The following ESR1 variants were observed in gnomAD, a reference collection of about 807,000 sequenced individuals.
The protein encoded by ESR1 is estrogen receptor 1, also known as estrogen receptor.
A neutral mutation model predicts 52.7 loss-of-function variants in ESR1; 12 were observed. That is an observed-to-expected ratio of 0.23 (90% CI 0.15 to 0.37). The LOEUF (loss-of-function observed/expected upper bound fraction) is 0.37. Among genes scored for constraint, ESR1 ranks in the 10% least tolerant of loss-of-function variants. The pLI is 1.00. For missense variants in ESR1, 584 were observed against 779.7 expected (o/e 0.75, Z 2.99); for synonymous variants, 305 against 316.8 (o/e 0.96, Z 0.39).
At chr6:151,918,051 T>G (rs1420707207) in intron 3 of ESR1, among the ~76,000 whole-genome samples, 1 of 152,232 alleles carries the variant, frequency 6.6e-6, no homozygotes, top group Non-Finnish European at 1.5e-5. Context: ...AGTCAGTCCA[T>G]TCCAGCTCAG....
intron 2 of ESR1, among the ~76,000 whole-genome samples, chr6:151,866,448 G>A (rs1266652227): frequency 6.6e-6 from 1 of 152,046 alleles, no homozygotes; most frequent in Non-Finnish European, 1.5e-5. Flanking sequence ...ATCTAAATTA[G>A]GTATTTCTTC....
chr6:151,913,233 C>A (rs570380822), intron 3 of ESR1, among the ~76,000 whole-genome samples: 1 of 152,170 alleles, frequency 6.6e-6, no homozygotes, highest in South Asian at 2.1e-4. Flanking sequence ...ACTCCCACCA[C>A]GTGCGGATTT....
chr6:151,725,802 G>A (rs564992395), intron 2 of ESR1, among the ~76,000 whole-genome samples: 71 of 152,326 alleles, frequency 4.7e-4, no homozygotes, highest in African/African-American at 1.6e-3. Context: ...TAGTGGGAGA[G>A]ATGAGTTGTG....
chr6:151,797,742 G>A (rs1776850070), intron 2 of ESR1, among the ~76,000 whole-genome samples: 2 of 152,200 alleles, frequency 1.3e-5, no homozygotes, highest in South Asian at 4.1e-4. Flanking sequence ...GGGCTAACAA[G>A]GGATGGTTTG....
rs572165607 is a variant in ESR1 at position 152,046,551 on chromosome 6, G to A, written c.1236-14440G>A. Reference sequence around the variant, plus strand: ...GTGAGGTTAGAAGAGATTGAGAAGCGTGAAATGAAGTTACAAAGTAGAAAC... The same window carrying A: ...GTGAGGTTAGAAGAGATTGAGAAGCATGAAATGAAGTTACAAAGTAGAAAC... On this transcript the variant is annotated intron_variant, in intron 5 of 7. Transcript: ENST00000206249. Among the ~76,000 whole-genome samples, 16 of 152,306 alleles carry A rather than the reference G, an allele frequency of 1.1e-4. No individual in the cohort carries two copies. The South Asian group carries it at 1.4e-3, about 14-fold the overall frequency.
chr6:151,686,064 A>ATTTTTTTTTTTTTTTTTT (rs557270210), upstream of ESR1, among the ~76,000 whole-genome samples: 52 of 114,330 alleles, frequency 4.5e-4, 2 homozygotes, highest in African/African-American at 2.0e-3. Context: ...AATTAAAACA[A>ATTTTTTTTTTTTTTTTTT]TTTTTTTTTT....
intron 4 of ESR1, among the ~76,000 whole-genome samples, chr6:152,009,192 C>T (rs2042572507): frequency 6.6e-6 from 1 of 152,236 alleles, no homozygotes; most frequent in South Asian, 2.1e-4. Flanking sequence ...CCCACTTTCT[C>T]ATTTTTCCTG....
chr6:152,017,778 G>A (rs2043278149), intron 5 of ESR1, among the ~76,000 whole-genome samples: 1 of 152,040 alleles, frequency 6.6e-6, no homozygotes, highest in Admixed American at 6.6e-5. Flanking sequence ...TTAGTAAATG[G>A]TGTTAGAAGA....
chr6:151,926,354 A>T (rs1167807484), intron 3 of ESR1, among the ~76,000 whole-genome samples: 2 of 152,156 alleles, frequency 1.3e-5, no homozygotes, highest in African/African-American at 4.8e-5. Context: ...AACATGTTGG[A>T]ATCAATTGTC....
At chr6:151,732,819 C>T (rs1477734096) in intron 2 of ESR1, among the ~76,000 whole-genome samples, 1 of 152,124 alleles carries the variant, frequency 6.6e-6, no homozygotes, top group Non-Finnish European at 1.5e-5. Context: ...TAGTACAAAT[C>T]ATGCTATTGA....
rs558453432 is a variant in ESR1 at position 152,028,892 on chromosome 6, A to C, written c.1235+17098A>C. ...CGAGTAGCCTAACTGGGCACACCCC[A>C]GTAGGGGCAGACTGACACCTCACAT... On this transcript the variant is annotated intron_variant, in intron 5 of 7. Coordinates refer to ENST00000206249, the MANE Select transcript of ESR1 (RefSeq NM_000125.4). 2.6e-5 allele frequency among the ~76,000 whole-genome samples: 4 copies of C among 152,322 alleles called. No individual in the cohort carries two copies. In the South Asian group the frequency reaches 8.3e-4, roughly 32 times the overall value.
chr6:151,832,322 C>T (rs892165190), intron 1 of ESR1, among the ~76,000 whole-genome samples: 1 of 152,194 alleles, frequency 6.6e-6, no homozygotes, highest in African/African-American at 2.4e-5. Flanking sequence ...GGATTTTCCT[C>T]TCCAGACTCT....
At chr6:151,711,558 T>C (rs937919368) in intron 2 of ESR1, among the ~76,000 whole-genome samples, 1 of 152,194 alleles carries the variant, frequency 6.6e-6, no homozygotes, top group Non-Finnish European at 1.5e-5. Flanking sequence ...TTCTAACTGG[T>C]GTGAGATGGT....
chr6:151,773,932 C>T (rs977387521), intron 2 of ESR1, among the ~76,000 whole-genome samples: 5 of 151,992 alleles, frequency 3.3e-5, no homozygotes, highest in Non-Finnish European at 5.9e-5. Context: ...TGGCTTTCAA[C>T]GAAATAAACA....
At position 151,842,588 on chromosome 6, in the gene ESR1, T is replaced by A. The variant is rs759298793; in HGVS notation, c.453-9T>A. The stretch of plus-strand genomic sequence containing the variant: ...AATGTTAATGGATTTACTGTTTTTT[T>A]CCCCCCAGGCCAAATTCAGATAATC... On this transcript the variant is annotated splice_polypyrimidine_tract_variant and intron_variant, in intron 1 of 7. Transcript: ENST00000206249. 1 of 1,611,854 alleles carries A rather than the reference T, an allele frequency of 6.2e-7. No individual in the cohort carries two copies. The highest frequency in any genetic ancestry group is 1.3e-5 in the African/African-American group (1 of 74,856).
chr6:151,864,893 A>G (rs1289972332), intron 2 of ESR1, among the ~76,000 whole-genome samples: 1 of 136,710 alleles, frequency 7.3e-6, no homozygotes, highest in Non-Finnish European at 1.5e-5. Context: ...AACAATAAGA[A>G]CACTTGGACA....
At chr6:151,673,559 A>G (rs1197068463) in intron 1 of ESR1, among the ~76,000 whole-genome samples, 3 of 151,962 alleles carry the variant, frequency 2.0e-5, no homozygotes, top group Non-Finnish European at 4.4e-5. Flanking sequence ...GTAGATCTCA[A>G]TCTTGAGTTT....
At chr6:151,802,907 G>A (rs1248129823), upstream of ESR1, among the ~76,000 whole-genome samples, 1 of 151,396 alleles carries the variant, frequency 6.6e-6, no homozygotes, top group East Asian at 2.0e-4. Flanking sequence ...CAGGAGAATC[G>A]CTTGAACCCA....
intron 2 of ESR1, among the ~76,000 whole-genome samples, chr6:151,748,985 T>C (rs1345047251): frequency 6.6e-6 from 1 of 152,060 alleles, no homozygotes; most frequent in East Asian, 1.9e-4. Flanking sequence ...CTTTAAGTGC[T>C]AGAGAGAAGG....
Sources: allele counts gnomAD v4.1 joint callset (sites outside exome capture counted in the v4.1 genomes callset), GRCh38; gene constraint gnomAD v4.1.1; transcripts MANE v1.5; gene names NCBI Gene and HGNC (gene_info 2026-07-23, HGNC 2026-07-21).